The following PARD3 variants were observed in gnomAD, a reference collection of about 807,000 sequenced individuals.
PARD3 encodes the protein par-3 family cell polarity regulator, also known as partitioning defective 3 homolog.
Under a neutral mutation model 155.4 loss-of-function variants are expected in PARD3, and 75 were observed. The ratio of observed to expected loss-of-function variants is 0.48; its 90% CI spans 0.40 to 0.58. The LOEUF (loss-of-function observed/expected upper bound fraction) is 0.58, where lower values mean the gene tolerates loss of function less well. Ranked by LOEUF, PARD3 falls within the 20% of genes least tolerant of loss-of-function variation. The pLI, the probability that PARD3 is intolerant of heterozygous loss-of-function variation, is 0.00. For synonymous variants in PARD3, 576 were observed against 610.5 expected (o/e 0.94, Z 0.83); for missense variants, 1,642 against 1,721.7 (o/e 0.95, Z 0.82).
At chr10:34,610,407 C>T (rs763257483) in intron 2 of PARD3, among the ~76,000 whole-genome samples, 1 of 152,152 alleles carries the variant, frequency 6.6e-6, no homozygotes, top group Non-Finnish European at 1.5e-5. Flanking sequence ...TGCCAGTACT[C>T]ATCAAGAATT....
intron 20 of PARD3, among the ~76,000 whole-genome samples, chr10:34,299,866 A>C (rs1473482502): frequency 6.6e-6 from 1 of 152,230 alleles, no homozygotes; most frequent in Admixed American, 6.5e-5. Context: ...TACATGGTCT[A>C]CCTTTTTAAA....
At position 34,795,670 on chromosome 10, in the gene PARD3, G is replaced by A. The variant is rs577331560; in HGVS notation, c.120+19206C>T. On this transcript the variant is annotated intron_variant, in intron 1 of 24. Transcript: ENST00000374788. ...TCCCAGCACTTTGGCCAAGGTGGGCGGATCACCTGAGGTAGGGAGTTCAAG... is the reference window on the plus strand; with the variant it reads ...TCCCAGCACTTTGGCCAAGGTGGGCAGATCACCTGAGGTAGGGAGTTCAAG... Among the ~76,000 whole-genome samples, 12 of 151,748 alleles carry A rather than the reference G, an allele frequency of 7.9e-5. 1 individual carries two copies. In the South Asian group the frequency reaches 2.3e-3, roughly 29 times the overall value.
Position 34,401,858 on chromosome 10 carries a change from C to T in PARD3, c.774G>A (p.Thr258=), listed in dbSNP as rs1250101119. The T allele has an allele frequency of 1.5e-5, 24 of 1,613,370 alleles. No homozygotes were observed. The highest frequency in any genetic ancestry group is 1.6e-4 in the Middle Eastern group (1 of 6,082). ...SRVEPVGHAD[T]GLEHIPNFSL... Reference sequence around the variant, plus strand: ...AAAAGTTGGGTATATGCTCCAAACCCGTGTCAGCATGTCCAACAGGTTCAA... The same window carrying T: ...AAAAGTTGGGTATATGCTCCAAACCTGTGTCAGCATGTCCAACAGGTTCAA... Residue 258 remains threonine, a synonymous_variant, in exon 6 of 25, where the codon ACG becomes ACA. Transcript: ENST00000374788.
At chr10:34,187,323 TA>T (rs1475545933) in intron 22 of PARD3, among the ~76,000 whole-genome samples, 13 of 152,142 alleles carry the variant, frequency 8.5e-5, no homozygotes, top group African/African-American at 2.9e-4. Flanking sequence ...AACTGTCATT[TA>T]AAATTTCCAT....
At chr10:34,203,285 C>T (rs541396092) in intron 22 of PARD3, among the ~76,000 whole-genome samples, 4 of 152,292 alleles carry the variant, frequency 2.6e-5, no homozygotes, top group Admixed American at 1.3e-4. Context: ...GGATTAATCA[C>T]CCATAGCTCA....
intron 22 of PARD3, among the ~76,000 whole-genome samples, chr10:34,138,919 C>A (rs1056809676): frequency 1.4e-5 from 2 of 147,694 alleles, no homozygotes; most frequent in Admixed American, 6.7e-5. Context: ...AGTTAATTTC[C>A]AAATTGTATC....
intron 22 of PARD3, among the ~76,000 whole-genome samples, chr10:34,240,439 A>G (rs1436476816): frequency 2.6e-5 from 4 of 152,318 alleles, no homozygotes; most frequent in Non-Finnish European, 5.9e-5. Flanking sequence ...ACAAAAAAGT[A>G]TCACTTTCAT....
intron 3 of PARD3, among the ~76,000 whole-genome samples, chr10:34,476,561 A>C (rs527744070): frequency 2.0e-5 from 3 of 152,290 alleles, no homozygotes; most frequent in African/African-American, 7.2e-5. Flanking sequence ...CTGGCACATC[A>C]GTCACCTCTC....
At chr10:34,434,468 A>C (rs1416376868) in intron 5 of PARD3, among the ~76,000 whole-genome samples, 1 of 152,232 alleles carries the variant, frequency 6.6e-6, no homozygotes, top group Non-Finnish European at 1.5e-5. Flanking sequence ...TCAGCATAAG[A>C]CATGCTGTGC....
chr10:34,327,668 G>A lies in PARD3; in HGVS notation c.2833+3449C>T, dbSNP rs560181073. ...CTCCATAACTAGCTTTTCCACAATG[G>A]CTCAGTCTCTAGCCACGCATTTCCA... On this transcript the variant is annotated intron_variant, in intron 19 of 24. Transcript: ENST00000374788. Among the ~76,000 whole-genome samples the A allele has an allele frequency of 4.6e-5, 7 of 152,240 alleles. No individual in the cohort carries two copies. In the South Asian group the frequency reaches 1.5e-3, roughly 32 times the overall value.
chr10:34,172,664 C>A (rs1228681111), intron 22 of PARD3, among the ~76,000 whole-genome samples: 1 of 150,164 alleles, frequency 6.7e-6, no homozygotes, highest in Non-Finnish European at 1.5e-5. Context: ...ACTCACTGCA[C>A]AAGTCAGTTT....
At chr10:34,621,353 C>T (rs1328907445) in intron 2 of PARD3, among the ~76,000 whole-genome samples, 5 of 152,176 alleles carry the variant, frequency 3.3e-5, no homozygotes, top group East Asian at 1.9e-4. Context: ...TGTGCCACCA[C>T]GCCCGGCTAA....
At chr10:34,365,362 G>C (rs1218731715) in intron 12 of PARD3, among the ~76,000 whole-genome samples, 1 of 152,142 alleles carries the variant, frequency 6.6e-6, no homozygotes, top group African/African-American at 2.4e-5. Context: ...CTAAGAAATT[G>C]AGTTTTACCC....
At chr10:34,437,184 G>A (rs941877937) in intron 5 of PARD3, among the ~76,000 whole-genome samples, 1 of 152,052 alleles carries the variant, frequency 6.6e-6, no homozygotes, top group African/African-American at 2.4e-5. Flanking sequence ...GAAGTCTAAT[G>A]AACCCTAATG....
chr10:34,548,788 T>G (rs921848629), intron 2 of PARD3, among the ~76,000 whole-genome samples: 1 of 150,778 alleles, frequency 6.6e-6, no homozygotes, highest in Non-Finnish European at 1.5e-5. Context: ...GTTTTGCAAA[T>G]ACTTTGAACA....
intron 2 of PARD3, among the ~76,000 whole-genome samples, chr10:34,609,698 C>T (rs2090742587): frequency 6.6e-6 from 1 of 152,122 alleles, no homozygotes; most frequent in Admixed American, 6.6e-5. Flanking sequence ...CCACCATGTC[C>T]TGTTATTTTT....
intron 1 of PARD3, among the ~76,000 whole-genome samples, chr10:34,752,132 G>T (rs1026726063): frequency 4.0e-5 from 6 of 151,428 alleles, no homozygotes; most frequent in Non-Finnish European, 5.9e-5. Flanking sequence ...GTATTTTTGT[G>T]GGGGGGTTTT....
intron 7 of PARD3, among the ~76,000 whole-genome samples, chr10:34,395,843 C>CAA (rs1173283584): frequency 0.022 from 514 of 23,266 alleles, 90 homozygotes; most frequent in Non-Finnish European, 0.026. Flanking sequence ...GACTCCGTCT[C>CAA]AAAAAAAAAA....
At chr10:34,170,070 A>G (rs1481546361) in intron 22 of PARD3, among the ~76,000 whole-genome samples, 1 of 152,112 alleles carries the variant, frequency 6.6e-6, no homozygotes, top group Non-Finnish European at 1.5e-5. Flanking sequence ...AGCTTTTCAG[A>G]GCTAATTTAG....
Sources: gnomAD v4.1 joint callset for allele counts (sites outside exome capture counted in the v4.1 genomes callset) on GRCh38, gnomAD v4.1.1 for gene constraint, MANE v1.5 for transcripts, NCBI Gene and HGNC (gene_info 2026-07-23, HGNC 2026-07-21) for gene names.